Variants in CFAP52 observed in about 807,000 individuals in gnomAD.
The protein encoded by CFAP52 is cilia- and flagella-associated protein 52.
A neutral mutation model predicts 70.5 loss-of-function variants in CFAP52; 57 were observed. That is an observed-to-expected ratio of 0.81 (90% CI 0.65 to 1.01). The LOEUF is 1.01. CFAP52 is among the 50% of genes least tolerant of loss of function. The pLI is 0.00. For missense variants in CFAP52, 785 were observed against 788.5 expected, an observed-to-expected ratio of 1.00 and a Z score of 0.05; for synonymous variants, 267 against 292.5, an observed-to-expected ratio of 0.91 and a Z score of 0.89.
chr17:9,644,244 T>C (rs2078274033), downstream of CFAP52, among the ~76,000 whole-genome samples: 1 of 152,140 alleles, frequency 6.6e-6, no homozygotes, highest in South Asian at 2.1e-4. Flanking sequence ...TAGCTAGGAT[T>C]ACAGGCATGC....
At chr17:9,580,581 C>T (rs866245724) in intron 1 of CFAP52, among the ~76,000 whole-genome samples, 46 of 151,554 alleles carry the variant, frequency 3.0e-4, no homozygotes, top group Non-Finnish European at 2.7e-4. Flanking sequence ...CCCAGCTATT[C>T]GAGAGGCTGA....
intron 2 of CFAP52, 112 bp from the exon 3 acceptor site, chr17:9,586,586 G>T (rs58836715): frequency 2.6e-4 from 257 of 992,884 alleles, no homozygotes; most frequent in Middle Eastern, 3.5e-4. Flanking sequence ...AAAAAAAAAA[G>T]AAAGAAAAAA....
chr17:9,602,973 CA>C (rs1341709632), intron 6 of CFAP52, among the ~76,000 whole-genome samples: 1 of 152,114 alleles, frequency 6.6e-6, no homozygotes, highest in African/African-American at 2.4e-5. Context: ...CAAATAAAAA[CA>C]AAGCACATCA....
chr17:9,594,526 G>A, intron 4 of CFAP52: 1 of 550,040 alleles, frequency 1.8e-6, no homozygotes, highest in Non-Finnish European at 2.7e-6. Context: ...TGTGATTGCT[G>A]CTGAAAAGAT....
Position 9,590,660 on chromosome 17 carries a change from C to T in CFAP52, c.408-3533C>T, listed in dbSNP as rs1290613201. ...GGCCATTAGGCCACCCCAATCCCACCCCCTGTCAAAGAGACTAGGTCTTGC... is the reference window on the plus strand; with the variant it reads ...GGCCATTAGGCCACCCCAATCCCACTCCCTGTCAAAGAGACTAGGTCTTGC... On this transcript the variant is annotated intron_variant, in intron 3 of 13. Coordinates refer to ENST00000352665, the MANE Select transcript of CFAP52 (RefSeq NM_145054.5). Among the ~76,000 whole-genome samples the T allele has an allele frequency of 2.0e-5, 3 of 152,162 alleles. No homozygotes were observed. In the South Asian group the frequency reaches 6.2e-4, roughly 32 times the overall value.
intron 7 of CFAP52, among the ~76,000 whole-genome samples, chr17:9,609,519 G>A (rs1909636482): frequency 6.6e-6 from 1 of 152,030 alleles, no homozygotes; most frequent in African/African-American, 2.4e-5. Flanking sequence ...ACACAGTGAA[G>A]CCTCATCTCT....
chr17:9,633,105 G>C, intron 10 of CFAP52, 72 bp downstream of exon 10: 1 of 1,522,246 alleles, frequency 6.6e-7, no homozygotes, highest in Non-Finnish European at 8.8e-7. Context: ...CCATCTATTT[G>C]CTTTTAAAAA....
At chr17:9,631,060 A>G (rs142496927) in intron 9 of CFAP52, among the ~76,000 whole-genome samples, 1,169 of 93,504 alleles carry the variant, frequency 0.013, 48 homozygotes, top group East Asian at 0.057. Context: ...GAGAGAAAGA[A>G]AGAAAGAAAG....
At position 9,632,244 on chromosome 17, in the gene CFAP52, GT is replaced by G. The variant is rs533261862; in HGVS notation, c.1175-635del. Among the ~76,000 whole-genome samples, 20 of 146,532 alleles carry G rather than the reference GT, an allele frequency of 1.4e-4. No homozygotes were observed. The South Asian group carries it at 3.1e-3, about 22-fold the overall frequency. On this transcript the variant is annotated intron_variant, in intron 9 of 13. Coordinates refer to ENST00000352665, the MANE Select transcript of CFAP52 (RefSeq NM_145054.5). The stretch of plus-strand genomic sequence containing the variant: ...ATGGGCATGCCACCATGCGAGGCAA[GT>G]TTTTTTTTGTTTTTTTTTTTCATAT...
At chr17:9,594,451 T>C (rs772270093) in intron 4 of CFAP52, 130 bp downstream of exon 4, 233 of 1,251,602 alleles carry the variant, frequency 1.9e-4, no homozygotes, top group Non-Finnish European at 2.0e-4. Context: ...ATAGTTTTTG[T>C]GATTTTGTAC....
intron 11 of CFAP52, among the ~76,000 whole-genome samples, 179 bp from the exon 12 acceptor site, chr17:9,638,430 G>A (rs1910905005): frequency 6.6e-6 from 1 of 152,226 alleles, no homozygotes; most frequent in African/African-American, 2.4e-5. Context: ...AGAGAGGACA[G>A]GGTGACCTGA....
rs548020282 is a variant in CFAP52, at chr17:9,595,468, G to A, written c.536+1147G>A. Among the ~76,000 whole-genome samples the A allele has an allele frequency of 1.4e-3, 210 of 150,398 alleles. 1 individual carries two copies. The highest frequency in any genetic ancestry group is 4.7e-3 in the African/African-American group (192 of 40,956). On this transcript the variant is annotated intron_variant, in intron 4 of 13. Coordinates refer to ENST00000352665, the MANE Select transcript of CFAP52 (RefSeq NM_145054.5). Reference sequence around the variant, plus strand: ...AACCAGCCCTACCAAGCAACCTAAAGCAACTGACCACGGGCTGTGGCGACA... The same window carrying A: ...AACCAGCCCTACCAAGCAACCTAAAACAACTGACCACGGGCTGTGGCGACA...
At chr17:9,604,906 C>G (rs1909424861) in intron 6 of CFAP52, among the ~76,000 whole-genome samples, 1 of 152,024 alleles carries the variant, frequency 6.6e-6, no homozygotes, top group Non-Finnish European at 1.5e-5. Flanking sequence ...GACTACATAC[C>G]TTTTCAAATG....
chr17:9,601,559 A>G (rs1909270479), intron 6 of CFAP52, among the ~76,000 whole-genome samples: 1 of 152,188 alleles, frequency 6.6e-6, no homozygotes, highest in Admixed American at 6.5e-5. Context: ...AACTATATAT[A>G]TAATTTTTGT....
At chr17:9,629,091 A>G (rs369133428) in intron 9 of CFAP52, among the ~76,000 whole-genome samples, 2 of 152,318 alleles carry the variant, frequency 1.3e-5, no homozygotes, top group Admixed American at 1.3e-4. Flanking sequence ...TAGAAGTTCA[A>G]TTTTGAAAAG....
chr17:9,625,749 T>A (rs998746684), intron 8 of CFAP52, among the ~76,000 whole-genome samples: 1 of 152,104 alleles, frequency 6.6e-6, no homozygotes, highest in Non-Finnish European at 1.5e-5. Context: ...CTTTTAGAGG[T>A]TTTTGGTGTC....
At chr17:9,636,180 AAAG>A (rs1910774751) in intron 11 of CFAP52, among the ~76,000 whole-genome samples, 29 of 24,620 alleles carry the variant, frequency 1.2e-3, no homozygotes, top group East Asian at 3.9e-3. Context: ...GTCTCAAAAA[AAAG>A]AAAGAAAGAA....
intron 1 of CFAP52, among the ~76,000 whole-genome samples, chr17:9,581,055 G>C (rs1172928049): frequency 6.6e-6 from 1 of 152,164 alleles, no homozygotes; most frequent in Non-Finnish European, 1.5e-5. Flanking sequence ...GGTGGCTCAC[G>C]CCTGTAATCC....
At chr17:9,627,275 C>T (rs572130881) in intron 8 of CFAP52, among the ~76,000 whole-genome samples, 9 of 152,106 alleles carry the variant, frequency 5.9e-5, no homozygotes, top group East Asian at 1.9e-4. Context: ...TTTGGGAGGC[C>T]GATGTGGGTG....
Sources: allele counts gnomAD v4.1 joint callset (sites outside exome capture counted in the v4.1 genomes callset), GRCh38; gene constraint gnomAD v4.1.1; transcripts MANE v1.5; gene names NCBI Gene and HGNC (gene_info 2026-07-23, HGNC 2026-07-21).